ILRUN: variants seen among roughly 807,000 people sequenced by gnomAD.
The protein encoded by ILRUN is protein ILRUN.
In ILRUN, 3 loss-of-function variants were observed where a neutral mutation model predicts 33.8. The ratio of observed to expected loss-of-function variants is 0.09; its 90% CI spans 0.04 to 0.23. The LOEUF (loss-of-function observed/expected upper bound fraction) is 0.23, where lower values mean the gene tolerates loss of function less well. Among genes scored for constraint, ILRUN ranks in the 10% least tolerant of loss-of-function variants. The pLI is 1.00. For missense variants in ILRUN, 210 were observed against 375.1 expected, an observed-to-expected ratio of 0.56 and a Z score of 3.64; for synonymous variants, 124 against 138.9, an observed-to-expected ratio of 0.89 and a Z score of 0.75.
chr6:34,609,494 A>C (rs888994122), intron 3 of ILRUN, among the ~76,000 whole-genome samples: 1 of 152,116 alleles, frequency 6.6e-6, no homozygotes, highest in African/African-American at 2.4e-5. Context: ...TATCTCAAAA[A>C]AAAAAGGTGG....
intron 4 of ILRUN, 97 bp downstream of exon 4, chr6:34,606,458 T>C: frequency 1.1e-6 from 1 of 945,256 alleles, no homozygotes; most frequent in Non-Finnish European, 1.6e-6. Context: ...GAACCTCCTC[T>C]GGGGAGCGGC....
rs756051083 is a variant in ILRUN, at chr6:34,650,576, G to A, written c.314-3778C>T. On this transcript the variant is annotated intron_variant, in intron 2 of 4. Coordinates refer to ENST00000374023, the MANE Select transcript of ILRUN (RefSeq NM_024294.4). ...CTCCCGAATACGTGGGATTACAGGC[G>A]CCTGCCACCATGCCTGGCTAATTTT... Among the ~76,000 whole-genome samples, 11 of 151,772 alleles carry A rather than the reference G, an allele frequency of 7.2e-5. No homozygotes were observed. The South Asian group carries it at 1.3e-3, about 17-fold the overall frequency.
At chr6:34,675,607 A>G (rs944754718) in intron 1 of ILRUN, among the ~76,000 whole-genome samples, 1 of 152,174 alleles carries the variant, frequency 6.6e-6, no homozygotes, top group Non-Finnish European at 1.5e-5. Flanking sequence ...AGAAATCAAA[A>G]AGGAAAAGAC....
In ILRUN at chr6:34,588,998, G is replaced by C. The variant is rs1185955380; in HGVS notation, c.*1567C>G. On this transcript the variant is annotated 3_prime_UTR_variant, in exon 5 of 5. Transcript: ENST00000374023. Reference sequence around the variant, plus strand: ...CACTCATTACCTGGTCTCCCTGCCTGTCTCACACCCTCACCCACCACCCAG... The same window carrying C: ...CACTCATTACCTGGTCTCCCTGCCTCTCTCACACCCTCACCCACCACCCAG... 6.5e-6 allele frequency: 1 copy of C among 152,708 alleles called. No homozygotes were observed. The highest frequency in any genetic ancestry group is 1.5e-5 in the Non-Finnish European group (1 of 68,096). The allele number at this position is 152,708 out of a possible 1,614,324, so 9.5% of individuals were successfully genotyped here.
intron 3 of ILRUN, among the ~76,000 whole-genome samples, chr6:34,629,892 A>C (rs1762210124): frequency 6.6e-6 from 1 of 152,206 alleles, no homozygotes; most frequent in Non-Finnish European, 1.5e-5. Context: ...GGATGCCTGA[A>C]AGTATGGAAA....
intron 3 of ILRUN, among the ~76,000 whole-genome samples, chr6:34,640,972 G>C (rs577570853): frequency 1.3e-5 from 2 of 151,000 alleles, no homozygotes; most frequent in Admixed American, 6.6e-5. Flanking sequence ...CCAGCTACTC[G>C]GGAGCCTGAG....
At chr6:34,610,765 A>G (rs898128217) in intron 3 of ILRUN, among the ~76,000 whole-genome samples, 1 of 152,240 alleles carries the variant, frequency 6.6e-6, no homozygotes, top group South Asian at 2.1e-4. Context: ...TTGTAAGTAC[A>G]TGATAGATTT....
At position 34,654,559 on chromosome 6, in the gene ILRUN, T is replaced by G. The variant is rs566661240; in HGVS notation, c.313+66A>C. ...AATCACATACATAAGCTAAAACATT[T>G]CCTTCTTATTTAACTATTAAGAAAA... is the stretch of plus-strand genomic sequence containing the variant. On this transcript the variant is annotated intron_variant, in intron 2 of 4. Transcript: ENST00000374023. The G allele has an allele frequency of 5.9e-5, 88 of 1,482,748 alleles. 1 individual carries two copies. The South Asian group carries it at 8.9e-4, about 15-fold the overall frequency. The allele number at this position is 1,482,748 out of a possible 1,614,324, so 91.8% of individuals were successfully genotyped here.
At chr6:34,623,944 G>A (rs1467048144) in intron 3 of ILRUN, among the ~76,000 whole-genome samples, 1 of 152,238 alleles carries the variant, frequency 6.6e-6, no homozygotes, top group Non-Finnish European at 1.5e-5. Context: ...CGATTCTCGT[G>A]CCTCAGCCTC....
chr6:34,588,300 A>G lies in ILRUN; in HGVS notation c.*2265T>C. The G allele has an allele frequency of 2.5e-6, 1 of 398,462 alleles. No individual in the cohort carries two copies. Among genetic ancestry groups the G allele is most frequent in the Non-Finnish European group, 4.4e-6 (1 of 226,080 alleles). 24.7% of individuals were successfully genotyped at this position (398,462 alleles called of 1,614,324 possible). ...GCCTAGAAGCAAGAGGAAGAGCAAGACGACTCTGGCAGGCCCAGACCCACT... is the reference window on the plus strand; with the variant it reads ...GCCTAGAAGCAAGAGGAAGAGCAAGGCGACTCTGGCAGGCCCAGACCCACT... On this transcript the variant is annotated 3_prime_UTR_variant, in exon 5 of 5. Transcript: ENST00000374023.
At chr6:34,634,502 G>GAA (rs1241180075) in intron 3 of ILRUN, among the ~76,000 whole-genome samples, 1 of 151,852 alleles carries the variant, frequency 6.6e-6, no homozygotes, top group East Asian at 1.9e-4. Flanking sequence ...ACAGAATAGA[G>GAA]AAAAACCAAT....
chr6:34,632,805 G>C (rs905878092), intron 3 of ILRUN, among the ~76,000 whole-genome samples: 1 of 152,134 alleles, frequency 6.6e-6, no homozygotes, highest in East Asian at 1.9e-4. Flanking sequence ...TTACAGGCGT[G>C]AGCCACCACG....
chr6:34,596,604 G>A (rs555156000), intron 4 of ILRUN, among the ~76,000 whole-genome samples: 8 of 152,084 alleles, frequency 5.3e-5, no homozygotes, highest in Non-Finnish European at 8.8e-5. Context: ...GTGAGCCACC[G>A]CACTTGGCCT....
rs558994352 is a variant in ILRUN, at chr6:34,685,051, C to T, written c.158+11395G>A. Among the ~76,000 whole-genome samples the T allele has an allele frequency of 5.3e-5, 8 of 152,240 alleles. No individual in the cohort carries two copies. In the South Asian group the frequency reaches 1.7e-3, roughly 32 times the overall value. ...AAATAGACTGGAAGGAAGAAAGCCA[C>T]TTGTAGAAAACCGATTTGGACTATG... On this transcript the variant is annotated intron_variant, in intron 1 of 4. Coordinates refer to ENST00000374023, the MANE Select transcript of ILRUN (RefSeq NM_024294.4).
At chr6:34,688,183 TC>T (rs1763567623) in intron 1 of ILRUN, among the ~76,000 whole-genome samples, 2 of 151,988 alleles carry the variant, frequency 1.3e-5, no homozygotes, top group Non-Finnish European at 1.5e-5. Context: ...TGCAGGTGGA[TC>T]CCTTAAGCCC....
At chr6:34,633,853 G>A (rs1177108864) in intron 3 of ILRUN, among the ~76,000 whole-genome samples, 1 of 137,008 alleles carries the variant, frequency 7.3e-6, no homozygotes, top group Non-Finnish European at 1.6e-5. Flanking sequence ...GGGGAGAGGA[G>A]GGGAGGGGAG....
intron 4 of ILRUN, among the ~76,000 whole-genome samples, chr6:34,597,281 T>C (rs1015968056): frequency 6.6e-6 from 1 of 152,252 alleles, no homozygotes; most frequent in African/African-American, 2.4e-5. Context: ...TCCAAAGATC[T>C]GATGTAACAG....
At chr6:34,628,012 C>CT (rs1762174072) in intron 3 of ILRUN, among the ~76,000 whole-genome samples, 1 of 151,852 alleles carries the variant, frequency 6.6e-6, no homozygotes, top group Admixed American at 6.6e-5. Flanking sequence ...CCTGCATACA[C>CT]TTTTTTCTTT....
At chr6:34,679,125 G>A (rs1581549804) in intron 1 of ILRUN, among the ~76,000 whole-genome samples, 2 of 136,370 alleles carry the variant, frequency 1.5e-5, no homozygotes, top group Non-Finnish European at 1.5e-5. Flanking sequence ...GTGTACCTCC[G>A]AATCTAAAAT....
Sources: allele counts gnomAD v4.1 joint callset (sites outside exome capture counted in the v4.1 genomes callset), GRCh38; gene constraint gnomAD v4.1.1; transcripts MANE v1.5; gene names NCBI Gene and HGNC (gene_info 2026-07-23, HGNC 2026-07-21).